VRK2: variants seen among roughly 807,000 people sequenced by gnomAD.
The protein encoded by VRK2 is VRK serine/threonine kinase 2, also known as serine/threonine-protein kinase VRK2.
A neutral mutation model predicts 57.6 loss-of-function variants in VRK2; 60 were observed. The ratio of observed to expected loss-of-function variants is 1.04; its 90% CI spans 0.85 to 1.29. The LOEUF (loss-of-function observed/expected upper bound fraction) is 1.29. Ranked by LOEUF, VRK2 falls within the 50% of genes most tolerant of loss-of-function variation. VRK2 has a pLI of 0.00. For synonymous variants in VRK2, 231 were observed against 199.2 expected, an observed-to-expected ratio of 1.16 and a Z score of -1.35; for missense variants, 705 against 588.1, an observed-to-expected ratio of 1.20 and a Z score of -2.06.
chr2:58,087,785 G>A (rs867870076), intron 5 of VRK2, among the ~76,000 whole-genome samples: 3 of 152,194 alleles, frequency 2.0e-5, no homozygotes, highest in Admixed American at 2.0e-4. Context: ...TCAAGAGGTC[G>A]AGACCATCCT....
chr2:58,084,257 C>A, intron 3 of VRK2, 119 bp downstream of exon 3: 2 of 1,058,528 alleles, frequency 1.9e-6, no homozygotes, highest in Non-Finnish European at 2.6e-6. Context: ...CTAATGTTAT[C>A]ATCTGTTTTG....
At chr2:58,154,623 G>T (rs1160165604) in intron 12 of VRK2, 2 of 636,704 alleles carry the variant, frequency 3.1e-6, no homozygotes, top group Non-Finnish European at 5.7e-6. Context: ...TCGGTTCAAT[G>T]TATTTTTTAA....
chr2:58,106,329 C>T (rs919297989), intron 7 of VRK2, among the ~76,000 whole-genome samples: 23 of 152,110 alleles, frequency 1.5e-4, no homozygotes, highest in African/African-American at 5.3e-4. Flanking sequence ...TCTGGAAAGC[C>T]TGTTAAGTCA....
chr2:57,951,366 G>C (rs986797313), intron 1 of VRK2, among the ~76,000 whole-genome samples: 3 of 152,196 alleles, frequency 2.0e-5, no homozygotes, highest in Non-Finnish European at 4.4e-5. Context: ...AGCAAAGAAA[G>C]TGGTTTCCTG....
chr2:57,943,700 G>A (rs1042928024), intron 1 of VRK2, among the ~76,000 whole-genome samples: 2 of 152,218 alleles, frequency 1.3e-5, no homozygotes, highest in Non-Finnish European at 2.9e-5. Flanking sequence ...GAAGCATAAG[G>A]AGCAGACTTT....
intron 1 of VRK2, among the ~76,000 whole-genome samples, chr2:57,909,105 T>C (rs754361429): frequency 3.9e-5 from 6 of 152,212 alleles, no homozygotes; most frequent in Admixed American, 6.5e-5. Flanking sequence ...GTGGAGCTCA[T>C]GAACTGCTTT....
chr2:58,129,356 A>G (rs1045798154), intron 8 of VRK2, among the ~76,000 whole-genome samples: 1 of 152,180 alleles, frequency 6.6e-6, no homozygotes, highest in Admixed American at 6.5e-5. Flanking sequence ...AAAGAAATAC[A>G]TTGCACAGTA....
upstream of VRK2, chr2:58,046,619 C>T (rs1300720747): frequency 5.1e-5 from 50 of 985,512 alleles, no homozygotes; most frequent in Admixed American, 1.2e-4. Flanking sequence ...GCGCCCTCTC[C>T]TTCCCCTGGG....
chr2:58,142,764 A>G (rs1286478094), intron 11 of VRK2, among the ~76,000 whole-genome samples: 1 of 151,922 alleles, frequency 6.6e-6, no homozygotes, highest in Non-Finnish European at 1.5e-5. Flanking sequence ...TAAAGGCCCC[A>G]TTACGACCCT....
At chr2:58,048,349 G>A (rs1675183348) in intron 1 of VRK2, among the ~76,000 whole-genome samples, 1 of 152,162 alleles carries the variant, frequency 6.6e-6, no homozygotes, top group African/African-American at 2.4e-5. Context: ...TAGTATCACG[G>A]TGGTGAGATG....
chr2:57,987,632 C>A (rs1672638810), intron 1 of VRK2, among the ~76,000 whole-genome samples: 1 of 151,962 alleles, frequency 6.6e-6, no homozygotes, highest in Non-Finnish European at 1.5e-5. Context: ...ACCATATGAC[C>A]CAGAAATTCA....
intron 1 of VRK2, among the ~76,000 whole-genome samples, chr2:57,960,653 C>T (rs569200009): frequency 5.3e-5 from 8 of 152,214 alleles, no homozygotes; most frequent in Non-Finnish European, 1.2e-4. Flanking sequence ...CTCCCACACA[C>T]ATACTGGGTG....
At chr2:58,007,732 G>C (rs1265755448) in intron 1 of VRK2, among the ~76,000 whole-genome samples, 1 of 151,988 alleles carries the variant, frequency 6.6e-6, no homozygotes, top group Non-Finnish European at 1.5e-5. Context: ...TACTGTGCAG[G>C]GAATCACTGT....
chr2:58,011,882 T>A (rs1026706762), intron 1 of VRK2, among the ~76,000 whole-genome samples: 1 of 152,280 alleles, frequency 6.6e-6, no homozygotes, highest in East Asian at 1.9e-4. Flanking sequence ...GATTTTCTAA[T>A]ATCAACTGGG....
At chr2:57,955,137 T>C (rs947086614) in intron 1 of VRK2, among the ~76,000 whole-genome samples, 1 of 152,206 alleles carries the variant, frequency 6.6e-6, no homozygotes, top group Non-Finnish European at 1.5e-5. Context: ...GAGCATTGTT[T>C]CAACATTGTC....
chr2:58,146,727 C>T (rs527597870), intron 12 of VRK2, among the ~76,000 whole-genome samples: 18 of 152,016 alleles, frequency 1.2e-4, no homozygotes, highest in African/African-American at 4.1e-4. Flanking sequence ...ATGAAGTGCA[C>T]TTAAATTTCT....
intron 1 of VRK2, among the ~76,000 whole-genome samples, chr2:57,921,393 A>G (rs1336321090): frequency 6.6e-6 from 1 of 151,968 alleles, no homozygotes; most frequent in Non-Finnish European, 1.5e-5. Flanking sequence ...CAAAATGTAT[A>G]CTATATCTTC....
At chr2:57,930,040 G>C (rs1028898798) in intron 1 of VRK2, among the ~76,000 whole-genome samples, 2 of 152,060 alleles carry the variant, frequency 1.3e-5, no homozygotes, top group African/African-American at 4.8e-5. Context: ...GGGAAGAGTG[G>C]CAAAAGCACT....
chr2:57,975,640 T>C (rs562951911), intron 1 of VRK2, among the ~76,000 whole-genome samples: 7 of 152,028 alleles, frequency 4.6e-5, no homozygotes, highest in Non-Finnish European at 8.8e-5. Context: ...TCAGGCCTTG[T>C]ACTCCTCCCT....
Sources: allele counts gnomAD v4.1 joint callset (sites outside exome capture counted in the v4.1 genomes callset), GRCh38; gene constraint gnomAD v4.1.1; transcripts MANE v1.5; gene names NCBI Gene and HGNC (gene_info 2026-07-23, HGNC 2026-07-21).